GRIN2A: variants seen among roughly 807,000 people sequenced by gnomAD.
GRIN2A encodes glutamate ionotropic receptor NMDA type subunit 2A.
Under a neutral mutation model 113.4 loss-of-function variants are expected in GRIN2A, and 22 were observed. That is an observed-to-expected ratio of 0.19 (90% CI 0.14 to 0.28). The LOEUF (loss-of-function observed/expected upper bound fraction) is 0.28, where lower values mean the gene tolerates loss of function less well. Among genes scored for constraint, GRIN2A ranks in the 10% least tolerant of loss-of-function variants. The pLI is 1.00. For missense variants in GRIN2A, 1,502 were observed against 1,887.0 expected (o/e 0.80, Z 3.78); for synonymous variants, 827 against 738.4 (o/e 1.12, Z -1.94).
intron 2 of GRIN2A, among the ~76,000 whole-genome samples, chr16:10,040,394 A>G (rs2141957624): frequency 6.6e-6 from 1 of 150,898 alleles, no homozygotes; most frequent in Non-Finnish European, 1.5e-5. Context: ...CCACACCACA[A>G]ATACACCCAC....
rs558754251 is a variant in GRIN2A, at chr16:10,151,381, G to T, written c.414+28617C>A. ...GACATTGCCAGTTAGGTGGGGAGGT[G>T]CATTCTAGACAGAGGTAACAACTTG... On this transcript the variant is annotated intron_variant, in intron 2 of 12. Coordinates refer to ENST00000330684, the MANE Select transcript of GRIN2A (RefSeq NM_001134407.3). Among the ~76,000 whole-genome samples, 8 of 152,302 alleles carry T rather than the reference G, an allele frequency of 5.3e-5. No homozygotes were observed. In the South Asian group the frequency reaches 1.2e-3, roughly 24 times the overall value.
At chr16:9,774,587 TA>T (rs1901486666) in intron 11 of GRIN2A, among the ~76,000 whole-genome samples, 1 of 152,214 alleles carries the variant, frequency 6.6e-6, no homozygotes. Context: ...TACTAGAGTT[TA>T]AAAAAATTAA....
intron 7 of GRIN2A, among the ~76,000 whole-genome samples, chr16:9,835,110 C>T (rs1341277981): frequency 1.3e-5 from 2 of 152,228 alleles, no homozygotes; most frequent in East Asian, 3.8e-4. Flanking sequence ...CTACCACACT[C>T]TCCATTTCAC....
chr16:9,886,001 A>G (rs2043579392), intron 4 of GRIN2A, among the ~76,000 whole-genome samples: 1 of 152,256 alleles, frequency 6.6e-6, no homozygotes, highest in Non-Finnish European at 1.5e-5. Context: ...AATGGAGTGT[A>G]TCAAGGGCAG....
chr16:9,799,411 G>A (rs958760969), intron 10 of GRIN2A, among the ~76,000 whole-genome samples: 1 of 152,190 alleles, frequency 6.6e-6, no homozygotes, highest in South Asian at 2.1e-4. Context: ...TGGAGCCTTC[G>A]GTGGAAGCGT....
intron 10 of GRIN2A, among the ~76,000 whole-genome samples, chr16:9,816,167 G>A (rs947310868): frequency 6.6e-6 from 1 of 152,178 alleles, no homozygotes; most frequent in Non-Finnish European, 1.5e-5. Context: ...AAGATAAAGA[G>A]CTTTGGAGAC....
chr16:9,982,325 A>G (rs2045906405), intron 2 of GRIN2A, among the ~76,000 whole-genome samples: 1 of 152,190 alleles, frequency 6.6e-6, no homozygotes, highest in Non-Finnish European at 1.5e-5. Context: ...TTAAAAAATA[A>G]ATTTTCTGGT....
At chr16:9,860,210 C>A (rs1250505295) in intron 4 of GRIN2A, among the ~76,000 whole-genome samples, 1 of 151,814 alleles carries the variant, frequency 6.6e-6, no homozygotes, top group Non-Finnish European at 1.5e-5. Context: ...AATCCCAGCA[C>A]TTCGGGAAGC....
At chr16:9,996,724 C>T (rs932716897) in intron 2 of GRIN2A, among the ~76,000 whole-genome samples, 2 of 152,136 alleles carry the variant, frequency 1.3e-5, no homozygotes, top group African/African-American at 4.8e-5. Flanking sequence ...AGAGGCTATA[C>T]CTATTTTTTA....
At chr16:9,799,378 G>C (rs181625495) in intron 10 of GRIN2A, among the ~76,000 whole-genome samples, 11 of 152,334 alleles carry the variant, frequency 7.2e-5, no homozygotes, top group African/African-American at 2.4e-4. Context: ...AGTCAGGAGA[G>C]AGGCCTGGAA....
rs182708717 is a variant in GRIN2A at position 10,080,419 on chromosome 16, G to C, written c.414+99579C>G. Among the ~76,000 whole-genome samples the C allele has an allele frequency of 3.9e-5, 6 of 152,304 alleles. No individual in the cohort carries two copies. In the East Asian group the frequency reaches 1.2e-3, roughly 29 times the overall value. ...GGAAGGGAGATGGTTATTAGCCACT[G>C]TCTCTGCAAACGACAAGCCATCTGC... On this transcript the variant is annotated intron_variant, in intron 2 of 12. Transcript: ENST00000330684.
At chr16:9,996,978 C>T (rs1214171221) in intron 2 of GRIN2A, among the ~76,000 whole-genome samples, 3 of 152,102 alleles carry the variant, frequency 2.0e-5, no homozygotes, top group African/African-American at 7.2e-5. Flanking sequence ...AAACGCCAAC[C>T]TTTACACAAC....
chr16:9,958,270 TA>T (rs1156512300), intron 2 of GRIN2A, among the ~76,000 whole-genome samples: 1 of 152,194 alleles, frequency 6.6e-6, no homozygotes, highest in Admixed American at 6.5e-5. Flanking sequence ...AACTTACTAC[TA>T]AATCCATCCT....
At chr16:9,865,176 G>A (rs1457247454) in intron 4 of GRIN2A, among the ~76,000 whole-genome samples, 9 of 152,266 alleles carry the variant, frequency 5.9e-5, no homozygotes, top group East Asian at 1.9e-4. Context: ...TAAGCTTAAC[G>A]ACAGCTTTGC....
At position 9,754,798 on chromosome 16, in the gene GRIN2A, C is replaced by T. The variant is rs1447020778; in HGVS notation, c.*8351G>A. Reference sequence around the variant, plus strand: ...ATTGTTTTTCATGGAAAAAAAAAGACAATGTTTTCGTATTTCTGGATCTTC... The same window carrying T: ...ATTGTTTTTCATGGAAAAAAAAAGATAATGTTTTCGTATTTCTGGATCTTC... On this transcript the variant is annotated 3_prime_UTR_variant, in exon 13 of 13. Transcript: ENST00000330684. The T allele has an allele frequency of 4.5e-6, 1 of 221,108 alleles. No individual in the cohort carries two copies. Among genetic ancestry groups the T allele is most frequent in the Non-Finnish European group, 9.1e-6 (1 of 110,460 alleles). 13.7% of individuals were successfully genotyped at this position (221,108 alleles called of 1,614,324 possible).
chr16:9,926,966 C>T lies in GRIN2A; in HGVS notation c.1007+10993G>A, dbSNP rs201871174. Among the ~76,000 whole-genome samples, 22 of 151,620 alleles carry T rather than the reference C, an allele frequency of 1.5e-4. No homozygotes were observed. The East Asian group carries it at 3.5e-3, about 24-fold the overall frequency. On this transcript the variant is annotated intron_variant, in intron 3 of 12. Transcript: ENST00000330684. ...CATGCACACAACACAGGTCAATTTGCAGCCTCTGAAAGTCGTAACGTGGGG... is the reference window on the plus strand; with the variant it reads ...CATGCACACAACACAGGTCAATTTGTAGCCTCTGAAAGTCGTAACGTGGGG...
chr16:9,880,698 G>C lies in GRIN2A; in HGVS notation c.1122+10288C>G, dbSNP rs116758196. Among the ~76,000 whole-genome samples the C allele has an allele frequency of 3.9e-5, 6 of 152,164 alleles. No individual in the cohort carries two copies. The South Asian group carries it at 1.2e-3, about 32-fold the overall frequency. ...TTGAACTCTTCTCCAGATGGGCCTTGGGCACTCTTGCCTCTGAACCTGACT... is the reference window on the plus strand; with the variant it reads ...TTGAACTCTTCTCCAGATGGGCCTTCGGCACTCTTGCCTCTGAACCTGACT... On this transcript the variant is annotated intron_variant, in intron 4 of 12. Transcript: ENST00000330684.
chr16:9,857,157 G>A (rs924994388), intron 4 of GRIN2A, among the ~76,000 whole-genome samples: 1 of 152,018 alleles, frequency 6.6e-6, no homozygotes, highest in African/African-American at 2.4e-5. Context: ...AAACAAGAAG[G>A]TCTAAGAAAG....
At chr16:10,117,013 T>TG (rs2048740430) in intron 2 of GRIN2A, among the ~76,000 whole-genome samples, 1 of 148,592 alleles carries the variant, frequency 6.7e-6, no homozygotes, top group Non-Finnish European at 1.5e-5. Flanking sequence ...AGGATATGAG[T>TG]GGGGCATCAA....
Sources: allele counts gnomAD v4.1 joint callset (sites outside exome capture counted in the v4.1 genomes callset), GRCh38; gene constraint gnomAD v4.1.1; transcripts MANE v1.5; gene names NCBI Gene and HGNC (gene_info 2026-07-23, HGNC 2026-07-21).